Variants in GLB1 observed in about 807,000 individuals in gnomAD.
The protein encoded by GLB1 is galactosidase beta 1.
A neutral mutation model predicts 74.0 loss-of-function variants in GLB1; 56 were observed. The observed-to-expected ratio is 0.76, with a 90% CI of 0.61 to 0.94. The LOEUF (loss-of-function observed/expected upper bound fraction) is 0.94, where lower values mean the gene tolerates loss of function less well. Among genes scored for constraint, GLB1 ranks in the 40% least tolerant of loss-of-function variants. The probability of loss-of-function intolerance (pLI) is 0.00; values close to 1 mark genes in which losing one functional copy is unlikely to be tolerated. For synonymous variants in GLB1, 323 were observed against 323.6 expected, an observed-to-expected ratio of 1.00 and a Z score of 0.02; for missense variants, 787 against 845.5, an observed-to-expected ratio of 0.93 and a Z score of 0.86.
chr3:33,026,629 G>A (rs1020725857), intron 10 of GLB1, among the ~76,000 whole-genome samples: 1 of 152,098 alleles, frequency 6.6e-6, no homozygotes, highest in Non-Finnish European at 1.5e-5. Context: ...GCCAATGGCC[G>A]CCATGGTCCA....
chr3:33,041,880 C>T (rs1453850511), intron 10 of GLB1, among the ~76,000 whole-genome samples: 3 of 152,042 alleles, frequency 2.0e-5, no homozygotes, highest in African/African-American at 4.8e-5. Context: ...CATATATCCA[C>T]TGCCTACTCT....
At chr3:33,052,630 AAAATAAAT>A (rs1395542170) in intron 7 of GLB1, 1 of 153,300 alleles carries the variant, frequency 6.5e-6, no homozygotes, top group Non-Finnish European at 1.5e-5. Flanking sequence ...ACTCCATTTA[AAAATAAAT>A]AAATAAATAA....
rs1472868772 is a variant in GLB1, at chr3:33,093,354, T to C, written c.75+3657A>G. ...AAACCAGTTGCTGACATCTGACGTG[T>C]AGTACTCATGATTGCCTGTGACGAA... On this transcript the variant is annotated intron_variant, in intron 1 of 15. Transcript: ENST00000307363. This position sits in a 1 kb window ranked among gnomAD's most constrained non-coding sequence, Gnocchi z 6.0. 1 of 1,614,060 alleles carries C rather than the reference T, an allele frequency of 6.2e-7. No homozygotes were observed.
At chr3:32,970,762 G>A in the GLB1 span, among the ~76,000 whole-genome samples, 2 of 151,956 alleles carry the variant, frequency 1.3e-5, no homozygotes, top group African/African-American at 4.8e-5. Context: ...ATAATCCTAC[G>A]GCGAAACCTA....
At chr3:33,077,435 A>G in intron 1 of GLB1, 1 of 885,184 alleles carries the variant, frequency 1.1e-6, no homozygotes. Flanking sequence ...TCAGTTGGAA[A>G]TGGAGGATGA....
At chr3:32,986,666 C>G in the GLB1 span, among the ~76,000 whole-genome samples, 10 of 151,474 alleles carry the variant, frequency 6.6e-5, no homozygotes, top group African/African-American at 2.4e-4. Flanking sequence ...TCTCGGCTCA[C>G]TGCAACCTCT....
intron 10 of GLB1, among the ~76,000 whole-genome samples, chr3:33,044,430 A>G (rs1698661982): frequency 6.6e-6 from 1 of 152,182 alleles, no homozygotes; most frequent in Admixed American, 6.5e-5. Context: ...ATAACCTTAA[A>G]TATTTATATT....
chr3:33,062,944 G>A (rs1175263221), intron 5 of GLB1, among the ~76,000 whole-genome samples: 1 of 152,216 alleles, frequency 6.6e-6, no homozygotes, highest in Admixed American at 6.5e-5. Context: ...ACCAGGCAGA[G>A]GCGTGGAAGG....
At chr3:32,995,929 T>C (rs761930528), downstream of GLB1, among the ~76,000 whole-genome samples, 1 of 152,100 alleles carries the variant, frequency 6.6e-6, no homozygotes, top group Admixed American at 6.6e-5. Context: ...CTCAAATACT[T>C]AGCATCCAGA....
intron 10 of GLB1, among the ~76,000 whole-genome samples, chr3:33,032,113 G>C (rs1698073599): frequency 6.6e-6 from 1 of 152,030 alleles, no homozygotes; most frequent in South Asian, 2.1e-4. Context: ...TAAAGACTCT[G>C]TCTCCTTTGT....
chr3:32,991,395 A>G, the GLB1 span, among the ~76,000 whole-genome samples: 1 of 152,142 alleles, frequency 6.6e-6, no homozygotes, highest in Non-Finnish European at 1.5e-5. Context: ...AAATACACAA[A>G]TTGGAGTGTG....
chr3:33,010,342 T>C (rs988837229), intron 15 of GLB1, among the ~76,000 whole-genome samples: 5 of 152,226 alleles, frequency 3.3e-5, no homozygotes, highest in African/African-American at 1.2e-4. Context: ...TGATTAATAA[T>C]GTTGAACATT....
intron 9 of GLB1, among the ~76,000 whole-genome samples, chr3:33,050,889 T>G (rs1698947287): frequency 6.6e-6 from 1 of 152,224 alleles, no homozygotes; most frequent in Non-Finnish European, 1.5e-5. Context: ...CCAACTACCC[T>G]GGTTTAAAAC....
intron 5 of GLB1, among the ~76,000 whole-genome samples, chr3:33,063,713 A>C (rs1383376900): frequency 6.6e-6 from 1 of 152,202 alleles, no homozygotes; most frequent in Non-Finnish European, 1.5e-5. Context: ...GAAAGGAAGA[A>C]GACACAGCCA....
the GLB1 span, among the ~76,000 whole-genome samples, chr3:32,988,435 CAT>C: frequency 6.6e-6 from 1 of 152,212 alleles, no homozygotes. Context: ...TCACATTCTA[CAT>C]ATGTTACTAT....
chr3:33,035,081 A>G (rs934456862), intron 10 of GLB1, among the ~76,000 whole-genome samples: 1 of 151,432 alleles, frequency 6.6e-6, no homozygotes, highest in Non-Finnish European at 1.5e-5. Flanking sequence ...ACAAAAGGTA[A>G]GGAATGAAGA....
At chr3:33,018,707 A>G in intron 12 of GLB1, 146 bp from the exon 13 acceptor site, 2 of 831,736 alleles carry the variant, frequency 2.4e-6, no homozygotes, top group Non-Finnish European at 3.8e-6. Flanking sequence ...TTAAATTTGA[A>G]AAAGGAAACT....
rs1697683401 is a variant in GLB1, at chr3:33,025,130, A to C, written c.1069-805T>G. Among the ~76,000 whole-genome samples, 4 of 152,254 alleles carry C rather than the reference A, an allele frequency of 2.6e-5. No individual in the cohort carries two copies. In the South Asian group the frequency reaches 8.3e-4, roughly 32 times the overall value. On this transcript the variant is annotated intron_variant, in intron 10 of 15. Transcript: ENST00000307363. Reference sequence around the variant, plus strand: ...CTGGCTAATTTTGTATTTTTAGTAGAGATGGGGTTTCTCCATGTTGGTCAG... The same window carrying C: ...CTGGCTAATTTTGTATTTTTAGTAGCGATGGGGTTTCTCCATGTTGGTCAG...
At chr3:33,006,424 C>G (rs1037613152) in intron 15 of GLB1, among the ~76,000 whole-genome samples, 27 of 152,296 alleles carry the variant, frequency 1.8e-4, no homozygotes, top group Middle Eastern at 3.4e-3. Flanking sequence ...TTCCACCCCC[C>G]CACCCCTGAC....
Sources: gnomAD v4.1 joint callset for allele counts (sites outside exome capture counted in the v4.1 genomes callset) on GRCh38, gnomAD v4.1.1 for gene constraint, Gnocchi (gnomAD v3.1) non-coding constraint, MANE v1.5 for transcripts, NCBI Gene and HGNC (gene_info 2026-07-23, HGNC 2026-07-21) for gene names.